CDS1: variants seen among roughly 807,000 people sequenced by gnomAD.
CDS1 encodes the protein phosphatidate cytidylyltransferase 1.
CDS1 carries 41 observed loss-of-function variants against 62.1 expected under a neutral mutation model. The ratio of observed to expected loss-of-function variants is 0.66; its 90% CI spans 0.51 to 0.86. The LOEUF (loss-of-function observed/expected upper bound fraction) is 0.86. CDS1 is among the 40% of genes least tolerant of loss of function. CDS1 has a pLI of 0.00. For missense variants in CDS1, 470 were observed against 550.1 expected (o/e 0.85, Z 1.46); for synonymous variants, 185 against 192.6 (o/e 0.96, Z 0.32).
intron 8 of CDS1, among the ~76,000 whole-genome samples, chr4:84,637,840 C>T (rs1724260501): frequency 6.6e-6 from 1 of 152,164 alleles, no homozygotes; most frequent in Admixed American, 6.5e-5. Flanking sequence ...TCAGCAGGCA[C>T]TTTTGAATTT....
intron 5 of CDS1, among the ~76,000 whole-genome samples, chr4:84,628,591 A>G (rs993727315): frequency 4.6e-5 from 7 of 152,132 alleles, no homozygotes; most frequent in Admixed American, 3.3e-4. Flanking sequence ...GGAGTATAGT[A>G]GCTTGATCAT....
At chr4:84,590,658 C>T (rs1722566040) in intron 1 of CDS1, among the ~76,000 whole-genome samples, 1 of 152,074 alleles carries the variant, frequency 6.6e-6, no homozygotes, top group African/African-American at 2.4e-5. Flanking sequence ...TTACTTGAGC[C>T]AAAGTGAGTA....
At chr4:84,620,412 C>T (rs952922447) in intron 5 of CDS1, among the ~76,000 whole-genome samples, 4 of 151,170 alleles carry the variant, frequency 2.6e-5, no homozygotes, top group South Asian at 2.1e-4. Context: ...TTAGTAGAGA[C>T]GGGGTTTCAC....
chr4:84,605,096 A>G (rs773652229), intron 2 of CDS1, among the ~76,000 whole-genome samples: 3 of 152,244 alleles, frequency 2.0e-5, no homozygotes, highest in Non-Finnish European at 2.9e-5. Context: ...AAAGCAAAGT[A>G]AACCTAAGCT....
rs759298822 is a variant in CDS1 at position 84,597,671 on chromosome 4, A to C, written c.118-6572A>C. Among the ~76,000 whole-genome samples, 3 of 152,070 alleles carry C rather than the reference A, an allele frequency of 2.0e-5. No homozygotes were observed. The East Asian group carries it at 5.8e-4, about 29-fold the overall frequency. ...TTACTAAGTCCCTTGACTATTCTCT[A>C]TCATTGTAGAGGCCTTGAGCTTCCT... On this transcript the variant is annotated intron_variant, in intron 1 of 12. Transcript: ENST00000295887.
intron 1 of CDS1, among the ~76,000 whole-genome samples, chr4:84,586,109 C>T (rs1012763398): frequency 6.6e-6 from 1 of 151,994 alleles, no homozygotes; most frequent in Non-Finnish European, 1.5e-5. Flanking sequence ...GTTGCAGATA[C>T]AGAGGAAGAG....
intron 1 of CDS1, among the ~76,000 whole-genome samples, chr4:84,593,000 A>G (rs1311714513): frequency 6.6e-6 from 1 of 152,214 alleles, no homozygotes; most frequent in Non-Finnish European, 1.5e-5. Context: ...CCCATCTGGA[A>G]GTTCACATTT....
chr4:84,613,960 A>G (rs1414614317), intron 3 of CDS1, among the ~76,000 whole-genome samples: 4 of 152,234 alleles, frequency 2.6e-5, no homozygotes, highest in African/African-American at 9.6e-5. Context: ...ATAATTAAAA[A>G]TAATCATTCC....
chr4:84,600,188 T>C (rs1402302889), intron 1 of CDS1, among the ~76,000 whole-genome samples: 1 of 152,214 alleles, frequency 6.6e-6, no homozygotes, highest in African/African-American at 2.4e-5. Context: ...GCCCCTGAAA[T>C]GTCTGTCCAA....
intron 1 of CDS1, among the ~76,000 whole-genome samples, chr4:84,599,403 CACATATATATATAT>C (rs1348398077): frequency 7.0e-4 from 12 of 17,228 alleles, no homozygotes; most frequent in East Asian, 4.7e-3. Flanking sequence ...GACACACACA[CACATATATATATAT>C]ATATATATAT....
At chr4:84,639,229 C>A (rs2148659003) in intron 9 of CDS1, among the ~76,000 whole-genome samples, 1 of 152,264 alleles carries the variant, frequency 6.6e-6, no homozygotes, top group Non-Finnish European at 1.5e-5. Context: ...AGTTAACACC[C>A]CCAGGTAATT....
At chr4:84,645,442 T>C in intron 12 of CDS1, 117 bp downstream of exon 12, 1 of 635,680 alleles carries the variant, frequency 1.6e-6, no homozygotes, top group South Asian at 1.9e-5. Context: ...TTAAAGTGAA[T>C]GGTGGCCCCT....
intron 6 of CDS1, 62 bp downstream of exon 6, chr4:84,631,939 T>G: frequency 8.6e-7 from 1 of 1,164,162 alleles, no homozygotes; most frequent in East Asian, 2.3e-5. Flanking sequence ...CTTTTTTTTT[T>G]CTGTAGTGAG....
chr4:84,649,057 T>C lies in CDS1; in HGVS notation c.*371T>C, dbSNP rs1476499221. ...GGCAGTGTGCCTTTTTGCACAAATA[T>C]TTACTTTTGCACTTGGAGCTGCTTT... On this transcript the variant is annotated 3_prime_UTR_variant, in exon 13 of 13. Transcript: ENST00000295887. 1 of 162,400 alleles carries C rather than the reference T, an allele frequency of 6.2e-6. No individual in the cohort carries two copies. The highest frequency in any genetic ancestry group is 2.4e-5 in the African/African-American group (1 of 41,738). The allele number at this position is 162,400 out of a possible 1,614,324, so 10.1% of individuals were successfully genotyped here.
At chr4:84,645,352 A>AGAT (rs1348480026) in intron 12 of CDS1, 27 bp downstream of exon 12, 1 of 1,347,086 alleles carries the variant, frequency 7.4e-7, no homozygotes, top group South Asian at 1.2e-5. Flanking sequence ...GACATTTTTT[A>AGAT]GATGATTTCT....
intron 1 of CDS1, among the ~76,000 whole-genome samples, chr4:84,585,511 C>T (rs1722386100): frequency 6.6e-6 from 1 of 152,266 alleles, no homozygotes; most frequent in South Asian, 2.1e-4. Flanking sequence ...AATCAGTTTG[C>T]ACACTGGAGG....
chr4:84,627,393 T>C (rs1380164473), intron 5 of CDS1, among the ~76,000 whole-genome samples: 2 of 152,152 alleles, frequency 1.3e-5, no homozygotes, highest in South Asian at 2.1e-4. Flanking sequence ...TCAGGGAGAC[T>C]AAAAATAATA....
intron 12 of CDS1, among the ~76,000 whole-genome samples, chr4:84,646,242 G>A (rs1014689320): frequency 2.6e-5 from 4 of 152,074 alleles, no homozygotes; most frequent in Non-Finnish European, 5.9e-5. Flanking sequence ...TCCTGATAGC[G>A]AGTTTATCAA....
chr4:84,645,315 A>G lies in CDS1; in HGVS notation c.1246A>G (p.Ser416Gly), dbSNP rs549242215. 2 of 1,578,976 alleles carry G rather than the reference A, an allele frequency of 1.3e-6. No homozygotes were observed. Among genetic ancestry groups the G allele is most frequent in the Non-Finnish European group, 8.7e-7 (1 of 1,148,718 alleles). The change falls in exon 12 of 13, where the codon AGT becomes GGT. Residue 416 changes from serine to glycine, a missense_variant. Ser to Gly is a moderately conservative substitution (Grantham distance 56). Transcript: ENST00000295887. ...MATFVHVYITSFIRGPNPSKV... is the reference protein window; with the variant it reads ...MATFVHVYITGFIRGPNPSKV... ...AACTTTTGTACATGTGTACATCACA[A>G]GTTTTATAAGGTACTTTTACACTTG... is the stretch of plus-strand genomic sequence containing the variant.
Sources: allele counts gnomAD v4.1 joint callset (sites outside exome capture counted in the v4.1 genomes callset), GRCh38; gene constraint gnomAD v4.1.1; transcripts MANE v1.5; gene names NCBI Gene and HGNC (gene_info 2026-07-23, HGNC 2026-07-21).